Variants in ANOS1 observed in about 807,000 individuals in gnomAD.
ANOS1 encodes anosmin 1.
In ANOS1, 6 loss-of-function variants were observed where a neutral mutation model predicts 59.0. The ratio of observed to expected loss-of-function variants is 0.10; its 90% CI spans 0.06 to 0.20. The LOEUF is 0.20. Among genes scored for constraint, ANOS1 ranks in the 10% least tolerant of loss-of-function variants. ANOS1 has a pLI of 1.00. For synonymous variants in ANOS1, 217 were observed against 223.4 expected (o/e 0.97, Z 0.25); for missense variants, 433 against 542.3 (o/e 0.80, Z 2.00).
intron 1 of ANOS1, among the ~76,000 whole-genome samples, chrX:8,712,165 T>C (rs757681723): frequency 8.9e-5 from 10 of 112,170 alleles, no homozygotes; most frequent in African/African-American, 1.3e-4. Flanking sequence ...TAGGGGAAGA[T>C]TGGCTCCATG....
At chrX:8,601,783 A>C (rs1930847618) in intron 3 of ANOS1, among the ~76,000 whole-genome samples, 1 of 112,546 alleles carries the variant, frequency 8.9e-6, no homozygotes, top group South Asian at 3.7e-4. Flanking sequence ...ACTATTGTGC[A>C]TAGTTGGCCC....
chrX:8,632,143 G>A (rs1931499599), intron 2 of ANOS1, among the ~76,000 whole-genome samples: 1 of 111,963 alleles, frequency 8.9e-6, no homozygotes. Flanking sequence ...CATGATTCTA[G>A]CCAAGTCTGA....
chrX:8,570,491 C>T lies in ANOS1; in HGVS notation c.1062+8G>A. 1 of 1,195,114 alleles carries T rather than the reference C, an allele frequency of 8.4e-7. No homozygotes were observed. Among genetic ancestry groups the T allele is most frequent in the South Asian group, 1.8e-5 (1 of 56,419 alleles). ...GGAATAACAATCCTTCCTCCAGTTC[C>T]CACTCACCCCATCCGTAGTCTTTCT... On this transcript the variant is annotated splice_region_variant and intron_variant, in intron 7 of 13. Coordinates refer to ENST00000262648, the MANE Select transcript of ANOS1 (RefSeq NM_000216.4).
At chrX:8,551,618 C>A (rs1433057377) in intron 9 of ANOS1, among the ~76,000 whole-genome samples, 2 of 105,978 alleles carry the variant, frequency 1.9e-5, no homozygotes, top group Admixed American at 1.0e-4. Context: ...AAAAAAAAAA[C>A]CCACTAAGAA....
chrX:8,684,653 C>G (rs890320483), intron 2 of ANOS1, among the ~76,000 whole-genome samples: 1 of 110,185 alleles, frequency 9.1e-6, no homozygotes, highest in Non-Finnish European at 1.9e-5. Context: ...GCCTGCCCCC[C>G]ACCCCCCGCC....
chrX:8,728,703 T>C (rs1018477112), intron 1 of ANOS1, among the ~76,000 whole-genome samples: 4 of 112,388 alleles, frequency 3.6e-5, no homozygotes, highest in African/African-American at 1.3e-4. Context: ...GGTGCTAACA[T>C]GCACTGTTTC....
chrX:8,569,559 G>A lies in ANOS1; in HGVS notation c.1062+940C>T, dbSNP rs1039593382. 4.5e-5 allele frequency among the ~76,000 whole-genome samples: 5 copies of A among 111,730 alleles called. No homozygotes were observed. In the East Asian group the frequency reaches 1.1e-3, roughly 25 times the overall value. On this transcript the variant is annotated intron_variant, in intron 7 of 13. Coordinates refer to ENST00000262648, the MANE Select transcript of ANOS1 (RefSeq NM_000216.4). Reference sequence around the variant, plus strand: ...CGGGAGGCTGAGGCAGGAGAATGGCGTGAACCCGGGAGGCGGAGCTTGCAG... The same window carrying A: ...CGGGAGGCTGAGGCAGGAGAATGGCATGAACCCGGGAGGCGGAGCTTGCAG...
At chrX:8,544,164 G>T (rs1328400175) in intron 9 of ANOS1, among the ~76,000 whole-genome samples, 2 of 109,384 alleles carry the variant, frequency 1.8e-5, no homozygotes, top group Non-Finnish European at 3.8e-5. Flanking sequence ...GAATTCCTCA[G>T]TTCGCAAAAG....
At chrX:8,667,744 T>G (rs1932173180) in intron 2 of ANOS1, among the ~76,000 whole-genome samples, 2 of 110,802 alleles carry the variant, frequency 1.8e-5, no homozygotes, top group South Asian at 7.8e-4. Context: ...AGGTAAGGGA[T>G]TTAGTGGCCC....
intron 2 of ANOS1, among the ~76,000 whole-genome samples, chrX:8,679,879 C>G (rs1440208774): frequency 4.5e-5 from 5 of 111,145 alleles, no homozygotes; most frequent in Non-Finnish European, 7.5e-5. Flanking sequence ...GTCTAACCAA[C>G]TAAATTGTGA....
intron 3 of ANOS1, among the ~76,000 whole-genome samples, chrX:8,598,843 A>T (rs1297823023): frequency 8.9e-6 from 1 of 112,460 alleles, no homozygotes; most frequent in Admixed American, 9.4e-5. Flanking sequence ...GTGCATAGCC[A>T]GGTTAAATTT....
chrX:8,653,832 G>A (rs1480597505), intron 2 of ANOS1, among the ~76,000 whole-genome samples: 1 of 112,048 alleles, frequency 8.9e-6, no homozygotes, highest in East Asian at 2.8e-4. Context: ...TCAGCACACA[G>A]TAGGTATTCA....
At chrX:8,593,922 G>T (rs1231825123) in intron 4 of ANOS1, among the ~76,000 whole-genome samples, 1 of 111,650 alleles carries the variant, frequency 9.0e-6, no homozygotes, top group African/African-American at 3.3e-5. Context: ...CTCCCAAAGT[G>T]CTGGGATTAA....
At chrX:8,606,546 A>G (rs1362413822) in intron 3 of ANOS1, among the ~76,000 whole-genome samples, 2 of 112,133 alleles carry the variant, frequency 1.8e-5, no homozygotes, top group African/African-American at 6.5e-5. Flanking sequence ...TTTTCTTTAT[A>G]ATATTTTGGG....
intron 3 of ANOS1, among the ~76,000 whole-genome samples, chrX:8,619,639 A>G (rs1201852282): frequency 4.5e-5 from 5 of 112,005 alleles, no homozygotes; most frequent in Non-Finnish European, 9.4e-5. Context: ...AGACATTATT[A>G]CCTCTGACAT....
At chrX:8,539,620 A>G (rs1929649275) in intron 10 of ANOS1, 44 bp downstream of exon 10, 5 of 1,207,999 alleles carry the variant, frequency 4.1e-6, no homozygotes, top group Admixed American at 2.2e-5. Context: ...CCTCCTGTCT[A>G]ATTATGTTCA....
intron 9 of ANOS1, among the ~76,000 whole-genome samples, chrX:8,540,043 G>A: frequency 9.1e-6 from 1 of 109,373 alleles, no homozygotes; most frequent in Non-Finnish European, 1.9e-5. Flanking sequence ...AAAAAAATTA[G>A]TAAATTCATA....
chrX:8,619,070 CAAAAAAAAAAAAAAAAA>C (rs1164164251), intron 3 of ANOS1, among the ~76,000 whole-genome samples: 1 of 43,974 alleles, frequency 2.3e-5, no homozygotes, highest in Non-Finnish European at 4.0e-5. Context: ...AAACCTCTCT[CAAAAAAAAAAAAAAAAA>C]AAAAAAAAAA....
At chrX:8,541,340 T>A (rs1453136990) in intron 9 of ANOS1, among the ~76,000 whole-genome samples, 1 of 102,090 alleles carries the variant, frequency 9.8e-6, no homozygotes, top group East Asian at 3.2e-4. Context: ...AAGGCGGATG[T>A]TTCAGTGAGC....
Sources: allele counts gnomAD v4.1 joint callset (sites outside exome capture counted in the v4.1 genomes callset), GRCh38; gene constraint gnomAD v4.1.1; transcripts MANE v1.5; gene names NCBI Gene and HGNC (gene_info 2026-07-23, HGNC 2026-07-21).